PLAG1: variants seen among roughly 807,000 people sequenced by gnomAD.
The protein encoded by PLAG1 is zinc finger protein PLAG1.
In PLAG1, 7 loss-of-function variants were observed where a neutral mutation model predicts 35.5. The ratio of observed to expected loss-of-function variants is 0.20; its 90% confidence interval spans 0.11 to 0.37. The LOEUF is 0.37. Among genes scored for constraint, PLAG1 ranks in the 10% least tolerant of loss-of-function variants. The probability of loss-of-function intolerance (pLI) is 1.00; values close to 1 mark genes in which losing one functional copy is unlikely to be tolerated. For missense variants in PLAG1, 454 were observed against 602.8 expected, an observed-to-expected ratio of 0.75 and a Z score of 2.58; for synonymous variants, 229 against 225.4, an observed-to-expected ratio of 1.02 and a Z score of -0.14.
At chr8:56,184,007 C>T (rs888766741) in intron 1 of PLAG1, among the ~76,000 whole-genome samples, 4 of 152,068 alleles carry the variant, frequency 2.6e-5, no homozygotes, top group Non-Finnish European at 5.9e-5. Flanking sequence ...TAAAACTTCC[C>T]CTCAAAAGAC....
Position 56,166,601 on chromosome 8 carries a change from A to C in PLAG1, c.1145T>G (p.Leu382Arg). ...QDSQASSSSK[L>R]GLDPQIGSLD... ...GGACCCAATCTGAGGATCCAACCCT[A>C]GCTTAGATGATGACGATGCTTGAGA... The change falls in exon 5 of 5, where the codon CTA (leucine) becomes CGA (arginine). Residue 382 changes from leucine (L) to arginine (R), a missense_variant. Physicochemically the swap from Leu to Arg is moderately radical, Grantham distance 102 (BLOSUM62 -2). Transcript: ENST00000316981. 6.2e-7 allele frequency: 1 copy of C among 1,614,036 alleles called. No homozygotes were observed. The highest frequency in any genetic ancestry group is 1.1e-5 in the South Asian group (1 of 91,072).
chr8:56,166,297 G>C lies in PLAG1; in HGVS notation c.1449C>G (p.Thr483=), dbSNP rs1563372060. 6.2e-7 allele frequency: 1 copy of C among 1,611,730 alleles called. No individual in the cohort carries two copies. Among genetic ancestry groups the C allele is most frequent in the Non-Finnish European group, 8.5e-7 (1 of 1,178,992 alleles). ...GGGTGGTACTTGTGCTTAAACTGCT[G>C]GTGAAAGCTGCTGACAGTGAGTGCA... ...GSLHSLSAAF[T]SSLSTSTTLP... is the part of the protein sequence containing the mutation. The change falls in exon 5 of 5, where the codon ACC becomes ACG. Residue 483 remains threonine (T), a synonymous_variant. Coordinates refer to ENST00000316981, the MANE Select transcript of PLAG1 (RefSeq NM_002655.3).
rs939637524 is a variant in PLAG1 at position 56,167,815 on chromosome 8, T to C, written c.242+213A>G. 2.6e-5 allele frequency among the ~76,000 whole-genome samples: 4 copies of C among 152,238 alleles called. No homozygotes were observed. Among genetic ancestry groups the C allele is most frequent in the African/African-American group, 9.6e-5 (4 of 41,462 alleles). On this transcript the variant is annotated intron_variant, in intron 4 of 4. Coordinates refer to ENST00000316981, the MANE Select transcript of PLAG1 (RefSeq NM_002655.3). The surrounding 1 kb of genome is among the most constrained non-coding windows in gnomAD (Gnocchi z 5.9). ...TTCTTTCTACAAATGGAAATTCTAC[T>C]CATTAAGCATTTTATTTTAAAAAGT...
chr8:56,166,880 T>C lies in PLAG1; in HGVS notation c.866A>G (p.Asn289Ser), dbSNP rs774915991. 15 of 1,613,838 alleles carry C rather than the reference T, an allele frequency of 9.3e-6. No individual in the cohort carries two copies. The Admixed American group carries it at 2.5e-4, about 27-fold the overall frequency. The change falls in exon 5 of 5, where the codon AAC becomes AGC. Residue 289 changes from asparagine (N) to serine (S), a missense_variant. Physicochemically the swap from Asn to Ser is conservative, Grantham distance 46. Coordinates refer to ENST00000316981, the MANE Select transcript of PLAG1 (RefSeq NM_002655.3). ...GGACTGAAATGGAGTGTTGTAGAGG[T>C]TTAACTGCAAAGTGTTTGTGAATGG... The part of the protein sequence containing the change: ...SKPFTNTLQL[N>S]LYNTPFQSMQ...
chr8:56,185,817 A>G (rs1232045383), intron 1 of PLAG1, among the ~76,000 whole-genome samples: 1 of 152,214 alleles, frequency 6.6e-6, no homozygotes, highest in Non-Finnish European at 1.5e-5. Context: ...TTTATCAAAT[A>G]CCAAAGGAAG....
At chr8:56,177,144 T>A (rs1811723085) in intron 2 of PLAG1, among the ~76,000 whole-genome samples, 1 of 152,194 alleles carries the variant, frequency 6.6e-6, no homozygotes, top group Admixed American at 6.5e-5. Context: ...AAGTGTACTT[T>A]AAAGACAGGC....
At chr8:56,183,401 A>G (rs1370124559) in intron 1 of PLAG1, among the ~76,000 whole-genome samples, 1 of 152,236 alleles carries the variant, frequency 6.6e-6, no homozygotes, top group African/African-American at 2.4e-5. Context: ...TGCAGCCATT[A>G]AAAACCATGC....
chr8:56,209,299 G>C (rs944952389), intron 1 of PLAG1: 1 of 152,140 alleles, frequency 6.6e-6, no homozygotes, highest in Non-Finnish European at 1.5e-5. Flanking sequence ...TTCCTGGGAG[G>C]GCTTGTTACA....
At position 56,170,251 on chromosome 8, in the gene PLAG1, G is replaced by A. The variant is rs191984790; in HGVS notation, c.-118+840C>T. 9.2e-5 allele frequency among the ~76,000 whole-genome samples: 14 copies of A among 152,292 alleles called. No homozygotes were observed. The East Asian group carries it at 2.5e-3, about 27-fold the overall frequency. ...AAACGGTCTAAAAATCCGCCTTGCT[G>A]TTTAAAAGTGACATTAACACAATGC... is the stretch of plus-strand genomic sequence containing the variant. On this transcript the variant is annotated intron_variant, in intron 3 of 4. Transcript: ENST00000316981.
intron 1 of PLAG1, among the ~76,000 whole-genome samples, chr8:56,207,826 C>A (rs537318698): frequency 6.6e-6 from 1 of 152,186 alleles, no homozygotes; most frequent in East Asian, 1.9e-4. Flanking sequence ...TTGTGCTGTG[C>A]CCCATCTAAA....
intron 1 of PLAG1, among the ~76,000 whole-genome samples, chr8:56,201,772 A>G (rs1043908612): frequency 2.6e-5 from 4 of 152,214 alleles, no homozygotes; most frequent in African/African-American, 9.6e-5. Flanking sequence ...TGTGAAAACT[A>G]AATGAGATAA....
In PLAG1 at chr8:56,161,753, C is replaced by G. The variant is rs1049102614; in HGVS notation, c.*4490G>C. 4.4e-6 allele frequency: 1 copy of G among 229,864 alleles called. No individual in the cohort carries two copies. Among genetic ancestry groups the G allele is most frequent in the African/African-American group, 2.2e-5 (1 of 45,118 alleles). The allele number at this position is 229,864 out of a possible 1,614,324, so 14.2% of individuals were successfully genotyped here. On this transcript the variant is annotated 3_prime_UTR_variant, in exon 5 of 5. Transcript: ENST00000316981. The stretch of plus-strand genomic sequence containing the variant: ...GATAAAAAAATACGACTGAATGAGA[C>G]AGAGAAGTTTGTAGCACCATGAAGA...
At chr8:56,210,135 G>C (rs1055881653) in intron 1 of PLAG1, among the ~76,000 whole-genome samples, 1 of 151,944 alleles carries the variant, frequency 6.6e-6, no homozygotes, top group Non-Finnish European at 1.5e-5. Flanking sequence ...AAAGGCTTTT[G>C]CCCTTCGAAA....
At chr8:56,170,479 C>G (rs1811494179) in intron 3 of PLAG1, among the ~76,000 whole-genome samples, 2 of 152,176 alleles carry the variant, frequency 1.3e-5, no homozygotes, top group Admixed American at 1.3e-4. Flanking sequence ...AGGAAACAAA[C>G]CTTAATTTTC....
chr8:56,199,737 G>A (rs919576912), intron 1 of PLAG1, among the ~76,000 whole-genome samples: 7 of 148,678 alleles, frequency 4.7e-5, no homozygotes, highest in Non-Finnish European at 9.1e-5. Context: ...CACCCCCCCC[G>A]ATCCTCCCCT....
intron 2 of PLAG1, 70 bp downstream of exon 2, chr8:56,179,339 T>G (rs1306545964): frequency 5.6e-6 from 1 of 178,820 alleles, no homozygotes; most frequent in African/African-American, 2.4e-5. Flanking sequence ...TATTATATCT[T>G]ATAGTATTTA....
At chr8:56,190,003 C>G (rs573819103) in intron 1 of PLAG1, among the ~76,000 whole-genome samples, 106 of 152,324 alleles carry the variant, frequency 7.0e-4, no homozygotes, top group Non-Finnish European at 1.0e-3. Context: ...GGACAGGTCA[C>G]TCAGCCAGTG....
chr8:56,167,553 T>C lies in PLAG1; in HGVS notation c.243-50A>G, dbSNP rs1360582172. On this transcript the variant is annotated intron_variant, in intron 4 of 4. Coordinates refer to ENST00000316981, the MANE Select transcript of PLAG1 (RefSeq NM_002655.3). This position sits in a 1 kb window ranked among gnomAD's most constrained non-coding sequence, Gnocchi z 5.9. ...AGTAGTTATTATGACAAAAATGGCA[T>C]GTATTCACTTTTCAAATGGAAGCTA... The C allele has an allele frequency of 2.5e-6, 3 of 1,207,240 alleles. No individual in the cohort carries two copies. Among genetic ancestry groups the C allele is most frequent in the South Asian group, 2.9e-5 (2 of 69,278 alleles). 74.8% of individuals were successfully genotyped at this position (1,207,240 alleles called of 1,614,324 possible).
Position 56,163,770 on chromosome 8 carries a change from CT to C in PLAG1, c.*2472del. 5.2e-6 allele frequency: 1 copy of C among 190,554 alleles called. No homozygotes were observed. Among genetic ancestry groups the C allele is most frequent in the Non-Finnish European group, 1.1e-5 (1 of 90,604 alleles). 11.8% of individuals were successfully genotyped at this position (190,554 alleles called of 1,614,324 possible). On this transcript the variant is annotated 3_prime_UTR_variant, in exon 5 of 5. Coordinates refer to ENST00000316981, the MANE Select transcript of PLAG1 (RefSeq NM_002655.3). ...TTTACTTAATAAATCCTGGTACTCC[CT>C]TTTTTAAATTAGCAGTGAATACAGC...
Sources: allele counts gnomAD v4.1 joint callset (sites outside exome capture counted in the v4.1 genomes callset), GRCh38; gene constraint gnomAD v4.1.1; non-coding constraint Gnocchi (gnomAD v3.1); transcripts MANE v1.5; gene names NCBI Gene and HGNC (gene_info 2026-07-23, HGNC 2026-07-21).